The following MCTP1 variants were observed in gnomAD, a reference collection of about 807,000 sequenced individuals.
The protein encoded by MCTP1 is multiple C2 and transmembrane domain containing 1.
Under a neutral mutation model 120.6 loss-of-function variants are expected in MCTP1, and 69 were observed. The ratio of observed to expected loss-of-function variants is 0.57; its 90% CI spans 0.47 to 0.70. The LOEUF is 0.70. Among genes scored for constraint, MCTP1 ranks in the 30% least tolerant of loss-of-function variants. The pLI, the probability that MCTP1 is intolerant of heterozygous loss-of-function variation, is 0.00. For missense variants in MCTP1, 1,203 were observed against 1,248.8 expected (o/e 0.96, Z 0.55); for synonymous variants, 529 against 493.1 (o/e 1.07, Z -0.96).
chr5:94,964,239 T>G (rs1825055976), intron 2 of MCTP1, among the ~76,000 whole-genome samples: 1 of 152,218 alleles, frequency 6.6e-6, no homozygotes, highest in Non-Finnish European at 1.5e-5. Context: ...GATATGATTT[T>G]AATCTTCCTA....
chr5:95,008,390 C>G (rs957692606), intron 2 of MCTP1, among the ~76,000 whole-genome samples: 1 of 152,248 alleles, frequency 6.6e-6, no homozygotes, highest in South Asian at 2.1e-4. Context: ...TCTCACTTCT[C>G]AATTTCATGG....
chr5:94,891,226 C>A lies in MCTP1; in HGVS notation c.1840-2254G>T, dbSNP rs61686837. ...TAAACAGTTGTTTATCACCAAAAAT[C>A]TATTTAAAATACCCAGGTGACAAGG... On this transcript the variant is annotated intron_variant, in intron 11 of 22. Transcript: ENST00000515393. Among the ~76,000 whole-genome samples, 882 of 152,090 alleles carry A rather than the reference C, an allele frequency of 5.8e-3. 5 individuals carry two copies. The highest frequency in any genetic ancestry group is 0.02 in the African/African-American group (836 of 41,508).
intron 12 of MCTP1, among the ~76,000 whole-genome samples, chr5:94,886,339 T>C (rs1801317660): frequency 6.6e-6 from 1 of 152,228 alleles, no homozygotes; most frequent in South Asian, 2.1e-4. Context: ...GTAGTAAGAT[T>C]GATGGCTACT....
chr5:94,840,923 G>C (rs201297558), intron 17 of MCTP1, among the ~76,000 whole-genome samples: 1 of 152,140 alleles, frequency 6.6e-6, no homozygotes, highest in African/African-American at 2.4e-5. Flanking sequence ...ATTTTGGGGT[G>C]GGGGGAAGGT....
intron 19 of MCTP1, among the ~76,000 whole-genome samples, chr5:94,736,029 A>G (rs1278507453): frequency 6.6e-6 from 1 of 152,196 alleles, no homozygotes. Context: ...ACCATTATGT[A>G]TGTCCATGTG....
chr5:94,837,692 A>G (rs1321438143), intron 17 of MCTP1, among the ~76,000 whole-genome samples: 1 of 152,166 alleles, frequency 6.6e-6, no homozygotes, highest in African/African-American at 2.4e-5. Context: ...TTCATGTCAG[A>G]GGGATGAAAA....
chr5:94,976,069 C>T (rs376535912), intron 2 of MCTP1, among the ~76,000 whole-genome samples: 28 of 152,204 alleles, frequency 1.8e-4, no homozygotes, highest in African/African-American at 5.5e-4. Flanking sequence ...CCCTTTATGT[C>T]CCACTCCCTT....
At chr5:95,238,762 T>C (rs541342979) in intron 1 of MCTP1, among the ~76,000 whole-genome samples, 1 of 152,226 alleles carries the variant, frequency 6.6e-6, no homozygotes, top group Non-Finnish European at 1.5e-5. Flanking sequence ...ACCAACTACA[T>C]TAATCATACA....
At chr5:94,744,324 G>A (rs1211831724) in intron 19 of MCTP1, among the ~76,000 whole-genome samples, 2 of 152,210 alleles carry the variant, frequency 1.3e-5, no homozygotes, top group East Asian at 3.9e-4. Context: ...GCTGAATTCA[G>A]CCCCTTAGCT....
chr5:95,261,945 T>G (rs1471364873), intron 1 of MCTP1, among the ~76,000 whole-genome samples: 2 of 151,868 alleles, frequency 1.3e-5, no homozygotes, highest in Non-Finnish European at 2.9e-5. Context: ...GACTGCAGAG[T>G]TTCCCCACAT....
intron 1 of MCTP1, among the ~76,000 whole-genome samples, chr5:95,169,985 T>A (rs1157117684): frequency 6.6e-6 from 1 of 152,260 alleles, no homozygotes; most frequent in African/African-American, 2.4e-5. Flanking sequence ...CTTCTCTAGT[T>A]CTTTTAATTG....
At chr5:95,072,081 C>CTGTGTGTG (rs56135843) in intron 1 of MCTP1, among the ~76,000 whole-genome samples, 71,727 of 143,588 alleles carry the variant, frequency 0.5, 20,040 homozygotes, top group Non-Finnish European at 0.63. Context: ...GCCAATTTTC[C>CTGTGTGTG]TGTGTGTGTG....
At chr5:94,806,597 T>C (rs933346395) in intron 17 of MCTP1, among the ~76,000 whole-genome samples, 13 of 152,190 alleles carry the variant, frequency 8.5e-5, no homozygotes, top group African/African-American at 2.7e-4. Flanking sequence ...TCAATGATCA[T>C]TCAGTGCGAC....
chr5:95,019,919 T>C (rs2153672097), intron 1 of MCTP1, among the ~76,000 whole-genome samples: 1 of 152,246 alleles, frequency 6.6e-6, no homozygotes, highest in East Asian at 1.9e-4. Flanking sequence ...TACGTGGGTC[T>C]AATTAATAAG....
At chr5:94,935,061 T>C (rs1341726083) in intron 5 of MCTP1, among the ~76,000 whole-genome samples, 6 of 151,958 alleles carry the variant, frequency 3.9e-5, no homozygotes, top group Non-Finnish European at 7.4e-5. Context: ...AATTGTGCCA[T>C]GCAACTCATC....
At chr5:94,910,484 T>C (rs1236188320) in intron 9 of MCTP1, among the ~76,000 whole-genome samples, 1 of 152,160 alleles carries the variant, frequency 6.6e-6, no homozygotes. Flanking sequence ...TTTCTCTTTT[T>C]AATGTATGGC....
chr5:95,082,185 C>G (rs1343208613), intron 1 of MCTP1, among the ~76,000 whole-genome samples: 1 of 152,136 alleles, frequency 6.6e-6, no homozygotes, highest in Non-Finnish European at 1.5e-5. Context: ...AAATCCTTTC[C>G]TACGCTGTCA....
At chr5:94,778,322 T>G (rs1297876038) in intron 19 of MCTP1, among the ~76,000 whole-genome samples, 1 of 152,134 alleles carries the variant, frequency 6.6e-6, no homozygotes, top group African/African-American at 2.4e-5. Flanking sequence ...ACCCTAGGAC[T>G]TTTTAGATTT....
At chr5:95,275,472 T>C (rs1016157221) in intron 1 of MCTP1, among the ~76,000 whole-genome samples, 1 of 152,184 alleles carries the variant, frequency 6.6e-6, no homozygotes, top group Non-Finnish European at 1.5e-5. Context: ...GTGGCCCCTG[T>C]GGGCATTGGA....
Sources: allele counts gnomAD v4.1 joint callset (sites outside exome capture counted in the v4.1 genomes callset), GRCh38; gene constraint gnomAD v4.1.1; transcripts MANE v1.5; gene names NCBI Gene and HGNC (gene_info 2026-07-23, HGNC 2026-07-21).